ARHGAP8: variants seen among roughly 807,000 people sequenced by gnomAD.
ARHGAP8 encodes the protein Rho GTPase activating protein 8.
Under a neutral mutation model 46.1 loss-of-function variants are expected in ARHGAP8, and 62 were observed. That is an observed-to-expected ratio of 1.34 (90% CI 1.10 to 1.66). The LOEUF (loss-of-function observed/expected upper bound fraction) is 1.66, where lower values mean the gene tolerates loss of function less well. ARHGAP8 is among the 40% of genes most tolerant of loss of function. The pLI, the probability that ARHGAP8 is intolerant of heterozygous loss-of-function variation, is 0.00. For synonymous variants in ARHGAP8, 375 were observed against 243.1 expected, an observed-to-expected ratio of 1.54 and a Z score of -5.05; for missense variants, 923 against 568.4, an observed-to-expected ratio of 1.62 and a Z score of -6.34.
At chr22:44,833,781 T>C (rs1002367830) in intron 7 of ARHGAP8, among the ~76,000 whole-genome samples, 1 of 152,182 alleles carries the variant, frequency 6.6e-6, no homozygotes, top group African/African-American at 2.4e-5. Context: ...AGCCATCTGA[T>C]CTTAGGCTTT....
At chr22:44,860,461 C>G (rs572875533) in intron 11 of ARHGAP8, among the ~76,000 whole-genome samples, 1 of 152,036 alleles carries the variant, frequency 6.6e-6, no homozygotes, top group Non-Finnish European at 1.5e-5. Context: ...CTCCCTCCAC[C>G]TTTCCCTCCT....
chr22:44,860,052 CT>C (rs1022376841), intron 11 of ARHGAP8, among the ~76,000 whole-genome samples: 5 of 151,812 alleles, frequency 3.3e-5, no homozygotes, highest in African/African-American at 1.2e-4. Flanking sequence ...GTACCTGCCC[CT>C]GCCTGCTCCT....
chr22:44,856,654 C>G (rs535819452), intron 10 of ARHGAP8, among the ~76,000 whole-genome samples: 1 of 144,316 alleles, frequency 6.9e-6, no homozygotes, highest in Admixed American at 6.7e-5. Context: ...AAGGCAAGTT[C>G]TCAGGACACA....
At chr22:44,780,621 CA>C (rs1254702287) in intron 1 of ARHGAP8, among the ~76,000 whole-genome samples, 1 of 152,152 alleles carries the variant, frequency 6.6e-6, no homozygotes, top group African/African-American at 2.4e-5. Context: ...GAGATCGCAC[CA>C]CTGCACTCCA....
intron 1 of ARHGAP8, among the ~76,000 whole-genome samples, chr22:44,756,475 T>C (rs1045723591): frequency 2.0e-5 from 3 of 152,138 alleles, no homozygotes; most frequent in African/African-American, 7.2e-5. Flanking sequence ...TTCTTTTTAT[T>C]TGTGGAGAAT....
intron 2 of ARHGAP8, among the ~76,000 whole-genome samples, chr22:44,794,971 G>A (rs756159319): frequency 1.4e-4 from 20 of 145,914 alleles, no homozygotes; most frequent in Non-Finnish European, 2.8e-4. Flanking sequence ...AGCCCAGGAG[G>A]TCAAGGCTGC....
At chr22:44,779,820 C>T (rs1057012069) in intron 1 of ARHGAP8, among the ~76,000 whole-genome samples, 22 of 152,130 alleles carry the variant, frequency 1.4e-4, no homozygotes, top group Non-Finnish European at 8.8e-5. Flanking sequence ...CCACCTGCCT[C>T]GGCCTCCAAA....
At position 44,761,196 on chromosome 22, in the gene ARHGAP8, C is replaced by G. The variant is rs985755863; in HGVS notation, c.-72+8569C>G. Reference sequence around the variant, plus strand: ...CCCATGTTAACATTAGCAAAAGGATCACGGAAATAAGTGCCATCAGCCCTC... The same window carrying G: ...CCCATGTTAACATTAGCAAAAGGATGACGGAAATAAGTGCCATCAGCCCTC... On this transcript the variant is annotated intron_variant, in intron 1 of 11. Coordinates refer to ENST00000356099, the MANE Select transcript of ARHGAP8 (RefSeq NM_181335.3). Among the ~76,000 whole-genome samples, 3 of 151,194 alleles carry G rather than the reference C, an allele frequency of 2.0e-5. No individual in the cohort carries two copies. The East Asian group carries it at 5.8e-4, about 29-fold the overall frequency.
chr22:44,813,198 G>C (rs1171119181), intron 4 of ARHGAP8, among the ~76,000 whole-genome samples: 1 of 151,892 alleles, frequency 6.6e-6, no homozygotes, highest in African/African-American at 2.4e-5. Flanking sequence ...TGGCTCCCAG[G>C]CCCTTTCAGT....
At chr22:44,861,402 T>G (rs188223048) in intron 11 of ARHGAP8, among the ~76,000 whole-genome samples, 4 of 152,192 alleles carry the variant, frequency 2.6e-5, no homozygotes, top group Non-Finnish European at 2.9e-5. Context: ...GGCCTCGGCT[T>G]GAGGAGGGGT....
intron 1 of ARHGAP8, among the ~76,000 whole-genome samples, chr22:44,773,427 G>A (rs1333772410): frequency 1.3e-5 from 2 of 152,122 alleles, no homozygotes; most frequent in African/African-American, 2.4e-5. Flanking sequence ...CATTTATATA[G>A]TAATAACACC....
chr22:44,837,030 G>A (rs1365790031), intron 7 of ARHGAP8, among the ~76,000 whole-genome samples: 12 of 152,000 alleles, frequency 7.9e-5, no homozygotes, highest in African/African-American at 2.7e-4. Context: ...GACTACAGGC[G>A]CGTGCCACCG....
At chr22:44,772,836 C>T (rs749109893) in intron 1 of ARHGAP8, among the ~76,000 whole-genome samples, 5 of 122,094 alleles carry the variant, frequency 4.1e-5, no homozygotes, top group South Asian at 2.8e-4. Flanking sequence ...TTTTGAGACA[C>T]GGTCTCTTCC....
In ARHGAP8 at chr22:44,859,759, C is replaced by T. The variant is rs145786855; in HGVS notation, c.906C>T (p.Gly302=). The change falls in exon 11 of 12, where the codon GGC becomes GGT. Residue 302 remains glycine, a synonymous_variant. Transcript: ENST00000356099. ...TCVESSLRVT[G]CRQILRSLPE... is the part of the protein sequence containing the mutation. ...TGGAGAGCAGCCTGCGTGTCACTGG[C>T]TGCCGCCAGATCTTACGGAGCCTCC... 200 of 1,613,874 alleles carry T rather than the reference C, an allele frequency of 1.2e-4. 1 individual carries two copies. Among genetic ancestry groups the T allele is most frequent in the Middle Eastern group, 3.3e-4 (2 of 6,084 alleles).
chr22:44,798,138 A>T (rs1388279347), intron 2 of ARHGAP8, among the ~76,000 whole-genome samples: 1 of 151,706 alleles, frequency 6.6e-6, no homozygotes, highest in Non-Finnish European at 1.5e-5. Context: ...CACCACACCC[A>T]GCTAATTTTT....
intron 10 of ARHGAP8, among the ~76,000 whole-genome samples, chr22:44,852,189 CAAAAAAAAAAAAAAA>C (rs58207915): frequency 2.6e-5 from 2 of 76,034 alleles, no homozygotes; most frequent in African/African-American, 1.2e-4. Flanking sequence ...GAGACTTTGT[CAAAAAAAAAAAAAAA>C]AAAAAAAAAA....
chr22:44,800,116 T>G (rs554978962), intron 2 of ARHGAP8, among the ~76,000 whole-genome samples: 1 of 101,720 alleles, frequency 9.8e-6, no homozygotes, highest in Non-Finnish European at 2.0e-5. Flanking sequence ...TTTTTTTTTT[T>G]TTTTTGAGAC....
At chr22:44,784,817 C>T (rs1295218672) in intron 1 of ARHGAP8, among the ~76,000 whole-genome samples, 3 of 152,202 alleles carry the variant, frequency 2.0e-5, no homozygotes, top group Non-Finnish European at 4.4e-5. Context: ...CTGCTGGGTC[C>T]TCACTGCCGG....
At chr22:44,787,229 A>G (rs1265294555) in intron 2 of ARHGAP8, among the ~76,000 whole-genome samples, 2 of 152,330 alleles carry the variant, frequency 1.3e-5, no homozygotes, top group East Asian at 3.9e-4. Flanking sequence ...GGGCACTGTT[A>G]TGTCTCATCC....
Sources: allele counts gnomAD v4.1 joint callset (sites outside exome capture counted in the v4.1 genomes callset), GRCh38; gene constraint gnomAD v4.1.1; transcripts MANE v1.5; gene names NCBI Gene and HGNC (gene_info 2026-07-23, HGNC 2026-07-21).